The following MFHAS1 variants were observed in gnomAD, a reference collection of about 807,000 sequenced individuals.
MFHAS1 encodes the protein malignant fibrous histiocytoma-amplified sequence 1.
In MFHAS1, 50 loss-of-function variants were observed where a neutral mutation model predicts 70.4. The ratio of observed to expected loss-of-function variants is 0.71; its 90% confidence interval spans 0.57 to 0.90. The LOEUF is 0.90. Among genes scored for constraint, MFHAS1 ranks in the 40% least tolerant of loss-of-function variants. The pLI, the probability that MFHAS1 is intolerant of heterozygous loss-of-function variation, is 0.00. For synonymous variants in MFHAS1, 952 were observed against 620.0 expected (o/e 1.54, Z -7.96); for missense variants, 1,795 against 1,347.6 (o/e 1.33, Z -5.20).
intron 1 of MFHAS1, among the ~76,000 whole-genome samples, chr8:8,811,535 C>G (rs1281768882): frequency 6.6e-6 from 1 of 152,200 alleles, no homozygotes; most frequent in Non-Finnish European, 1.5e-5. Context: ...ACTTCAGCCT[C>G]CTAAAGTGCT....
intron 1 of MFHAS1, among the ~76,000 whole-genome samples, chr8:8,804,305 A>T (rs1806202389): frequency 6.6e-6 from 1 of 152,212 alleles, no homozygotes. Flanking sequence ...GTTCTGGGCA[A>T]TTTAACAATG....
At chr8:8,792,570 C>A (rs1466235605) in intron 2 of MFHAS1, among the ~76,000 whole-genome samples, 3 of 151,780 alleles carry the variant, frequency 2.0e-5, no homozygotes, top group Admixed American at 2.0e-4. Flanking sequence ...CACGCCACTG[C>A]ACTCCAGCCT....
In MFHAS1 at chr8:8,814,425, G is replaced by C. The variant is rs116077799; in HGVS notation, c.2999-16934C>G. On this transcript the variant is annotated intron_variant, in intron 1 of 2. Coordinates refer to ENST00000276282, the MANE Select transcript of MFHAS1 (RefSeq NM_004225.3). ...GTAGTAGGCTAGACCATCTAGGTTTGTGTAAGTGCACTCTGTCATGTTCGC... is the reference window on the plus strand; with the variant it reads ...GTAGTAGGCTAGACCATCTAGGTTTCTGTAAGTGCACTCTGTCATGTTCGC... Among the ~76,000 whole-genome samples, 987 of 152,326 alleles carry C rather than the reference G, an allele frequency of 6.5e-3. 6 individuals carry two copies. The highest frequency in any genetic ancestry group is 0.023 in the African/African-American group (948 of 41,568).
intron 1 of MFHAS1, among the ~76,000 whole-genome samples, chr8:8,888,705 G>T (rs946816029): frequency 2.0e-5 from 3 of 152,090 alleles, no homozygotes; most frequent in African/African-American, 4.8e-5. Flanking sequence ...GGGGTTGGGG[G>T]GAATGAATTG....
chr8:8,787,456 C>T (rs1805592312), intron 2 of MFHAS1, among the ~76,000 whole-genome samples: 1 of 152,154 alleles, frequency 6.6e-6, no homozygotes, highest in Non-Finnish European at 1.5e-5. Context: ...TAGCGAGTGA[C>T]AGAGCCAGGC....
At chr8:8,788,706 G>A (rs1805631249) in intron 2 of MFHAS1, among the ~76,000 whole-genome samples, 1 of 152,184 alleles carries the variant, frequency 6.6e-6, no homozygotes, top group Non-Finnish European at 1.5e-5. Flanking sequence ...GTATTGAGGA[G>A]ACATGAAGAA....
At chr8:8,801,432 A>G (rs1306343592) in intron 1 of MFHAS1, among the ~76,000 whole-genome samples, 1 of 152,228 alleles carries the variant, frequency 6.6e-6, no homozygotes, top group African/African-American at 2.4e-5. Context: ...ATGTTAACAA[A>G]TACTGAGCAG....
At position 8,890,251 on chromosome 8, in the gene MFHAS1, C is replaced by T; in HGVS notation, c.2808G>A (p.Leu936=). ...TAGCAATGGACAGGGTGTCTGGCTG[C>T]AGGACTCCCCTGGCAGGTCTGTAAC... ...VVSYRPARGV[L]QPDTLSIASH... Residue 936 remains leucine (L), a synonymous_variant, in exon 1 of 3, where the codon CTG becomes CTA. Coordinates refer to ENST00000276282, the MANE Select transcript of MFHAS1 (RefSeq NM_004225.3). The T allele has an allele frequency of 1.2e-6, 2 of 1,614,144 alleles. No individual in the cohort carries two copies. Among genetic ancestry groups the T allele is most frequent in the Non-Finnish European group, 1.7e-6 (2 of 1,180,014 alleles).
chr8:8,824,803 A>G (rs989429672), intron 1 of MFHAS1, among the ~76,000 whole-genome samples: 1 of 152,208 alleles, frequency 6.6e-6, no homozygotes, highest in Non-Finnish European at 1.5e-5. Flanking sequence ...AATAGATTAG[A>G]GAACAGGTAA....
intron 1 of MFHAS1, among the ~76,000 whole-genome samples, chr8:8,813,122 A>G (rs188297672): frequency 4.6e-5 from 7 of 152,344 alleles, no homozygotes; most frequent in Admixed American, 1.3e-4. Context: ...GGGTGGTCCC[A>G]TAAGATTACA....
intron 1 of MFHAS1, among the ~76,000 whole-genome samples, chr8:8,819,835 A>C (rs1202027273): frequency 6.6e-6 from 1 of 151,942 alleles, no homozygotes; most frequent in African/African-American, 2.4e-5. Context: ...AGTTTCTGAG[A>C]CCACAGGTGC....
chr8:8,855,114 C>A (rs1486448779), intron 1 of MFHAS1, among the ~76,000 whole-genome samples: 1 of 152,038 alleles, frequency 6.6e-6, no homozygotes, highest in African/African-American at 2.4e-5. Context: ...CCCAGCATAC[C>A]AAAATTATTT....
At position 8,891,705 on chromosome 8, in the gene MFHAS1, G is replaced by T. The variant is rs1810048058; in HGVS notation, c.1354C>A (p.Pro452Thr). The T allele has an allele frequency of 6.2e-7, 1 of 1,613,546 alleles. No homozygotes were observed. The highest frequency in any genetic ancestry group is 2.2e-5 in the East Asian group (1 of 44,878). The change falls in exon 1 of 3, where the codon CCC becomes ACC. Residue 452 changes from proline to threonine, a missense_variant. Physicochemically the swap from Pro to Thr is conservative, Grantham distance 38. Coordinates refer to ENST00000276282, the MANE Select transcript of MFHAS1 (RefSeq NM_004225.3). The surrounding 1 kb of genome is among the most constrained non-coding windows in gnomAD (Gnocchi z 5.4). ...DKEKCYPPSP[P>T]PVSKGIEVTS... ...ACCTCGATGCCCTTGCTCACAGGGGGAGGTGACGGTGGGTAGCACTTCTCC... is the reference window on the plus strand; with the variant it reads ...ACCTCGATGCCCTTGCTCACAGGGGTAGGTGACGGTGGGTAGCACTTCTCC...
chr8:8,833,152 C>A (rs888761791), intron 1 of MFHAS1, among the ~76,000 whole-genome samples: 1 of 152,108 alleles, frequency 6.6e-6, no homozygotes, highest in African/African-American at 2.4e-5. Context: ...CGTGACAACA[C>A]CACCAAAGGG....
At position 8,890,359 on chromosome 8, in the gene MFHAS1, G is replaced by C. The variant is rs1585076558; in HGVS notation, c.2700C>G (p.Val900=). The C allele has an allele frequency of 6.2e-7, 1 of 1,614,194 alleles. No homozygotes were observed. The highest frequency in any genetic ancestry group is 2.2e-5 in the East Asian group (1 of 44,880). Residue 900 remains valine, a synonymous_variant, in exon 1 of 3, where the codon GTC becomes GTG. Transcript: ENST00000276282. The stretch of plus-strand genomic sequence containing the variant: ...TGTGCACCACATGGCTGTTGATCTG[G>C]ACACTGTAGCGTGCAAACAACCCAA... ...FPLGLFARYS[V]QINSHVVHRS...
At chr8:8,814,734 C>A (rs1806673155) in intron 1 of MFHAS1, among the ~76,000 whole-genome samples, 2 of 151,790 alleles carry the variant, frequency 1.3e-5, no homozygotes, top group African/African-American at 4.8e-5. Context: ...CTAACAGGCA[C>A]CAAAGAAGGT....
intron 1 of MFHAS1, 80 bp from the exon 2 acceptor site, chr8:8,797,571 G>A: frequency 6.8e-7 from 1 of 1,476,196 alleles, no homozygotes; most frequent in Non-Finnish European, 9.3e-7. Flanking sequence ...CACTGCCCGG[G>A]GATGGGGGCA....
At chr8:8,828,061 T>A (rs1011932668) in intron 1 of MFHAS1, among the ~76,000 whole-genome samples, 1 of 152,200 alleles carries the variant, frequency 6.6e-6, no homozygotes, top group Non-Finnish European at 1.5e-5. Flanking sequence ...GAATGCCACC[T>A]TTTCCCAATC....
chr8:8,811,280 C>A (rs576906100), intron 1 of MFHAS1, among the ~76,000 whole-genome samples: 1 of 151,904 alleles, frequency 6.6e-6, no homozygotes, highest in African/African-American at 2.4e-5. Context: ...TCTTCAACCT[C>A]TGAAAAATTA....
Sources: gnomAD v4.1 joint callset for allele counts (sites outside exome capture counted in the v4.1 genomes callset) on GRCh38, gnomAD v4.1.1 for gene constraint, Gnocchi (gnomAD v3.1) non-coding constraint, MANE v1.5 for transcripts, NCBI Gene and HGNC (gene_info 2026-07-23, HGNC 2026-07-21) for gene names.